The following PTPRC variants were observed in gnomAD, a reference collection of about 807,000 sequenced individuals.
PTPRC encodes the protein receptor-type tyrosine-protein phosphatase C.
A neutral mutation model predicts 155.9 loss-of-function variants in PTPRC; 44 were observed. The observed-to-expected ratio is 0.28, with a 90% confidence interval of 0.22 to 0.36. The LOEUF (loss-of-function observed/expected upper bound fraction) is 0.36. PTPRC is among the 10% of genes least tolerant of loss of function. PTPRC has a pLI of 1.00. For missense variants in PTPRC, 1,401 were observed against 1,564.6 expected (o/e 0.90, Z 1.76); for synonymous variants, 525 against 533.1 (o/e 0.98, Z 0.21).
At chr1:198,740,059 C>T (rs1654828330) in intron 23 of PTPRC, among the ~76,000 whole-genome samples, 1 of 151,620 alleles carries the variant, frequency 6.6e-6, no homozygotes, top group African/African-American at 2.4e-5. Flanking sequence ...CTGTGTGATA[C>T]AGTGAAAGCA....
At chr1:198,734,512 C>T (rs1317931335) in intron 22 of PTPRC, 87 bp downstream of exon 22, 2 of 1,079,130 alleles carry the variant, frequency 1.9e-6, no homozygotes, top group African/African-American at 3.1e-5. Flanking sequence ...CATGTATCTG[C>T]CTGATGACTA....
chr1:198,727,274 A>G (rs1386074828), intron 15 of PTPRC, among the ~76,000 whole-genome samples: 2 of 151,866 alleles, frequency 1.3e-5, no homozygotes, highest in Admixed American at 6.6e-5. Flanking sequence ...CTTCCTTTTT[A>G]TCTTCACAGC....
intron 2 of PTPRC, among the ~76,000 whole-genome samples, chr1:198,643,355 A>G (rs1377300961): frequency 6.6e-6 from 1 of 151,886 alleles, no homozygotes; most frequent in Non-Finnish European, 1.5e-5. Flanking sequence ...AAAAAATAAA[A>G]CTGCATATTG....
At chr1:198,741,437 A>G (rs1654895727) in intron 23 of PTPRC, among the ~76,000 whole-genome samples, 1 of 151,864 alleles carries the variant, frequency 6.6e-6, no homozygotes, top group Non-Finnish European at 1.5e-5. Context: ...AAGCAGAAGT[A>G]TTTTAAACAG....
chr1:198,709,696 T>C lies in PTPRC; in HGVS notation c.1043T>C (p.Ile348Thr). 6.4e-7 allele frequency: 1 copy of C among 1,574,532 alleles called. No individual in the cohort carries two copies. The highest frequency in any genetic ancestry group is 8.7e-7 in the Non-Finnish European group (1 of 1,150,854). Residue 348 changes from isoleucine (I) to threonine (T), a missense_variant, in exon 11 of 33, where the codon ATA (isoleucine) becomes ACA (threonine). Around this residue, in one of 3 missense-constraint regions of PTPRC, gnomAD observed 867 missense variants for 970.4 expected, o/e 0.89. Transcript: ENST00000442510. ...ITYRFQCGNM[I>T]FDNKEIKLEN... ...TATTTCTTTATTTCAGGTAATATGA[T>C]ATTTGATAATAAAGAAATTAAATTA...
At chr1:198,754,121 A>C (rs997686741) in intron 31 of PTPRC, 148 bp from the exon 32 acceptor site, 6 of 956,560 alleles carry the variant, frequency 6.3e-6, no homozygotes, top group Non-Finnish European at 9.1e-6. Context: ...ATTTAGCGTA[A>C]ATAATTTGGT....
Position 198,750,644 on chromosome 1 carries a change from T to A in PTPRC, c.3207+18T>A, listed in dbSNP as rs1412416603. On this transcript the variant is annotated intron_variant, in intron 29 of 32. Transcript: ENST00000442510. The stretch of plus-strand genomic sequence containing the variant: ...GAGACCAGGTTTGTACTTTTGAGGA[T>A]TTTCTTTTAAGCCTTTCTGTCATAA... The A allele has an allele frequency of 6.8e-6, 11 of 1,611,488 alleles. No individual in the cohort carries two copies. The highest frequency in any genetic ancestry group is 9.3e-6 in the Non-Finnish European group (11 of 1,178,226).
chr1:198,681,419 AACTT>A (rs1665319741), intron 2 of PTPRC, among the ~76,000 whole-genome samples: 1 of 152,208 alleles, frequency 6.6e-6, no homozygotes, highest in Admixed American at 6.5e-5. Flanking sequence ...GGAGCCATTC[AACTT>A]ACTTCAGTGC....
rs1285520893 is a variant in PTPRC at position 198,752,722 on chromosome 1, C to T, written c.3459C>T (p.Ser1153=). The part of the protein sequence containing the change: ...VVKQKLPQKN[S]SEGNKHHKST... ...AACAAAAACTTCCCCAGAAGAATTC[C>T]TCTGAAGGGAACAAGCATCACAAGA... Residue 1153 remains serine (S), a synonymous_variant, in exon 31 of 33, where the codon TCC becomes TCT. Coordinates refer to ENST00000442510, the MANE Select transcript of PTPRC (RefSeq NM_002838.5). 1 of 1,612,760 alleles carries T rather than the reference C, an allele frequency of 6.2e-7. No individual in the cohort carries two copies. The highest frequency in any genetic ancestry group is 8.5e-7 in the Non-Finnish European group (1 of 1,179,370).
chr1:198,655,492 A>G (rs1008607474), intron 2 of PTPRC, among the ~76,000 whole-genome samples: 2 of 152,064 alleles, frequency 1.3e-5, no homozygotes, highest in Non-Finnish European at 2.9e-5. Context: ...CTGTGGCCTG[A>G]TACAATGAAA....
intron 2 of PTPRC, among the ~76,000 whole-genome samples, chr1:198,664,886 T>C (rs1233118113): frequency 3.3e-5 from 5 of 152,276 alleles, no homozygotes; most frequent in South Asian, 2.1e-4. Flanking sequence ...TTTTTGACTT[T>C]GTGATACTCC....
intron 13 of PTPRC, among the ~76,000 whole-genome samples, chr1:198,717,880 T>C (rs1221618263): frequency 6.6e-6 from 1 of 152,190 alleles, no homozygotes; most frequent in Admixed American, 6.5e-5. Context: ...CATGGCTTCA[T>C]GTACAACCTA....
intron 22 of PTPRC, 88 bp downstream of exon 22, chr1:198,734,513 C>T: frequency 9.3e-7 from 1 of 1,077,586 alleles, no homozygotes; most frequent in South Asian, 1.3e-5. Context: ...ATGTATCTGC[C>T]TGATGACTAA....
At chr1:198,680,042 G>A (rs950295268) in intron 2 of PTPRC, 2 of 519,362 alleles carry the variant, frequency 3.9e-6, no homozygotes, top group African/African-American at 4.0e-5. Context: ...TCCCTGGCAT[G>A]GCTGTGCAAG....
intron 2 of PTPRC, among the ~76,000 whole-genome samples, chr1:198,680,839 T>C (rs1420810559): frequency 1.3e-5 from 2 of 152,174 alleles, no homozygotes; most frequent in Non-Finnish European, 2.9e-5. Context: ...CTGAATCCTC[T>C]ATTCCCAGGA....
intron 14 of PTPRC, among the ~76,000 whole-genome samples, chr1:198,720,518 C>T (rs1017547348): frequency 3.2e-4 from 48 of 151,818 alleles, no homozygotes; most frequent in African/African-American, 9.9e-4. Context: ...TTAGTAGAGA[C>T]GGGGGTTCAC....
intron 28 of PTPRC, among the ~76,000 whole-genome samples, chr1:198,750,188 C>T (rs776284564): frequency 1.4e-4 from 21 of 151,832 alleles, no homozygotes; most frequent in Admixed American, 3.3e-4. Flanking sequence ...TTAAGTAATT[C>T]CTTTTTACAA....
chr1:198,692,766 T>C lies in PTPRC; in HGVS notation c.100+393T>C, dbSNP rs16843719. ...ATGTTATAGATATGTAGATAACAGATTTGCATATGTCTATATTTCTTTAAG... is the reference window on the plus strand; with the variant it reads ...ATGTTATAGATATGTAGATAACAGACTTGCATATGTCTATATTTCTTTAAG... On this transcript the variant is annotated intron_variant, in intron 3 of 32. Transcript: ENST00000442510. 3.8e-3 allele frequency: 3,535 copies of C among 921,392 alleles called. 100 individuals carry two copies. The African/African-American group carries it at 0.059, about 15-fold the overall frequency. 57.1% of individuals were successfully genotyped at this position (921,392 alleles called of 1,614,324 possible).
intron 2 of PTPRC, among the ~76,000 whole-genome samples, chr1:198,673,210 G>A (rs548921292): frequency 6.6e-6 from 1 of 151,924 alleles, no homozygotes; most frequent in South Asian, 2.1e-4. Context: ...CTAAGAATAG[G>A]GTAGGCATTC....
Sources: allele counts gnomAD v4.1 joint callset (sites outside exome capture counted in the v4.1 genomes callset), GRCh38; gene constraint gnomAD v4.1.1; regional missense constraint gnomAD v4.1.1; transcripts MANE v1.5; gene names NCBI Gene and HGNC (gene_info 2026-07-23, HGNC 2026-07-21).